Variants in ROBO1 observed in about 807,000 individuals in gnomAD.
ROBO1 encodes roundabout homolog 1.
A neutral mutation model predicts 195.9 loss-of-function variants in ROBO1; 149 were observed. The observed-to-expected ratio is 0.76, with a 90% CI of 0.67 to 0.87. ROBO1 has a LOEUF of 0.87. Ranked by LOEUF, ROBO1 falls within the 40% of genes least tolerant of loss-of-function variation. ROBO1 has a pLI of 0.00. For missense variants in ROBO1, 1,933 were observed against 2,068.3 expected (o/e 0.93, Z 1.27); for synonymous variants, 816 against 733.2 (o/e 1.11, Z -1.82).
intron 2 of ROBO1, among the ~76,000 whole-genome samples, chr3:79,180,586 G>A (rs1029006580): frequency 3.3e-5 from 5 of 152,220 alleles, no homozygotes. Context: ...CATTGACCTT[G>A]GGCAAATTAC....
At chr3:79,144,997 C>T (rs1297717953) in intron 2 of ROBO1, among the ~76,000 whole-genome samples, 2 of 151,882 alleles carry the variant, frequency 1.3e-5, no homozygotes, top group Non-Finnish European at 1.5e-5. Context: ...GACAGAATTG[C>T]CTACATAAAA....
intron 4 of ROBO1, among the ~76,000 whole-genome samples, chr3:78,928,222 A>G (rs1166423943): frequency 6.6e-6 from 1 of 152,208 alleles, no homozygotes; most frequent in Non-Finnish European, 1.5e-5. Context: ...GTCTGTAACT[A>G]AAAAGAGTAT....
intron 2 of ROBO1, among the ~76,000 whole-genome samples, chr3:79,493,195 C>T (rs896437805): frequency 2.4e-4 from 37 of 151,814 alleles, no homozygotes; most frequent in Admixed American, 2.6e-4. Context: ...ACATATTATT[C>T]TTGGTTTTAA....
At chr3:78,891,009 C>T (rs2036857307) in intron 4 of ROBO1, among the ~76,000 whole-genome samples, 1 of 152,100 alleles carries the variant, frequency 6.6e-6, no homozygotes, top group East Asian at 1.9e-4. Context: ...CCGATCTTTC[C>T]TTTTTTATAT....
At chr3:79,521,606 T>G (rs1941212806) in intron 2 of ROBO1, among the ~76,000 whole-genome samples, 1 of 152,172 alleles carries the variant, frequency 6.6e-6, no homozygotes, top group South Asian at 2.1e-4. Flanking sequence ...TGAAGCCTCT[T>G]TCCTACCCTC....
At chr3:78,687,712 C>T (rs776417720) in intron 9 of ROBO1, among the ~76,000 whole-genome samples, 14 of 152,182 alleles carry the variant, frequency 9.2e-5, no homozygotes, top group Non-Finnish European at 1.9e-4. Context: ...GCAGTCTCTA[C>T]CTCGTGGGCT....
chr3:79,328,102 A>G (rs1339098071), intron 2 of ROBO1, among the ~76,000 whole-genome samples: 1 of 152,216 alleles, frequency 6.6e-6, no homozygotes. Flanking sequence ...CTTTTAGGCA[A>G]CACAAAACTG....
intron 1 of ROBO1, among the ~76,000 whole-genome samples, chr3:79,704,644 T>C (rs1947714405): frequency 6.6e-6 from 1 of 152,024 alleles, no homozygotes; most frequent in Admixed American, 6.6e-5. Flanking sequence ...ATGCTGTAAA[T>C]ATTCATGTGC....
chr3:79,202,629 T>C (rs999042325), intron 2 of ROBO1, among the ~76,000 whole-genome samples: 1 of 145,582 alleles, frequency 6.9e-6, no homozygotes, highest in African/African-American at 2.5e-5. Context: ...AAAAGAGAAA[T>C]ACTTTCAAAG....
At chr3:79,692,574 A>C (rs1376617597) in intron 1 of ROBO1, among the ~76,000 whole-genome samples, 2 of 151,858 alleles carry the variant, frequency 1.3e-5, no homozygotes, top group Non-Finnish European at 2.9e-5. Flanking sequence ...ACACAGGAAG[A>C]CAAGTCCTGC....
At chr3:78,921,590 G>T (rs999572338) in intron 4 of ROBO1, among the ~76,000 whole-genome samples, 1 of 152,118 alleles carries the variant, frequency 6.6e-6, no homozygotes, top group Non-Finnish European at 1.5e-5. Context: ...CTTATTTTAG[G>T]AAAGTAACAA....
intron 2 of ROBO1, among the ~76,000 whole-genome samples, chr3:79,261,648 T>C (rs965225807): frequency 6.6e-6 from 1 of 152,014 alleles, no homozygotes; most frequent in Non-Finnish European, 1.5e-5. Flanking sequence ...GGCCGTCTGA[T>C]GTAAGTTGCT....
chr3:79,347,106 GA>G (rs1354452534), intron 2 of ROBO1, among the ~76,000 whole-genome samples: 1 of 152,098 alleles, frequency 6.6e-6, no homozygotes, highest in African/African-American at 2.4e-5. Flanking sequence ...CAGACAGCAT[GA>G]AAACAAATAT....
intron 1 of ROBO1, among the ~76,000 whole-genome samples, chr3:79,756,435 G>C (rs1260672558): frequency 1.3e-5 from 2 of 151,686 alleles, no homozygotes; most frequent in Non-Finnish European, 2.9e-5. Context: ...TGTAATCCCA[G>C]CTACTCAGGG....
intron 3 of ROBO1, among the ~76,000 whole-genome samples, chr3:79,098,166 C>A (rs148729931): frequency 6.6e-6 from 1 of 151,858 alleles, no homozygotes; most frequent in East Asian, 1.9e-4. Context: ...GAGGAATGAC[C>A]CATATGTCTG....
intron 1 of ROBO1, among the ~76,000 whole-genome samples, chr3:79,759,270 A>G (rs1704568236): frequency 6.6e-6 from 1 of 152,198 alleles, no homozygotes. Context: ...ATATGATGGA[A>G]TAATTTCCTT....
chr3:78,807,923 A>AAACTGCTG (rs1408589424), intron 4 of ROBO1, among the ~76,000 whole-genome samples: 3 of 37,712 alleles, frequency 8.0e-5, no homozygotes, highest in Non-Finnish European at 1.8e-4. Flanking sequence ...AACATTTGCT[A>AAACTGCTG]AACACATCAA....
intron 2 of ROBO1, among the ~76,000 whole-genome samples, chr3:79,514,182 ACCAC>A (rs1365842105): frequency 6.6e-6 from 1 of 152,188 alleles, no homozygotes; most frequent in Non-Finnish European, 1.5e-5. Context: ...GAAGCTGAGG[ACCAC>A]ATTCACAGAG....
chr3:79,284,342 C>T (rs944365058), intron 2 of ROBO1, among the ~76,000 whole-genome samples: 3 of 151,992 alleles, frequency 2.0e-5, no homozygotes, highest in African/African-American at 7.3e-5. Context: ...AAGTTTCCTT[C>T]AGAAAACATA....
Sources: gnomAD v4.1 joint callset for allele counts (sites outside exome capture counted in the v4.1 genomes callset) on GRCh38, gnomAD v4.1.1 for gene constraint, MANE v1.5 for transcripts, NCBI Gene and HGNC (gene_info 2026-07-23, HGNC 2026-07-21) for gene names.